The following NRG1 variants were observed in gnomAD, a reference collection of about 807,000 sequenced individuals.
NRG1 encodes the protein neuregulin 1.
In NRG1, 18 loss-of-function variants were observed where a neutral mutation model predicts 63.8. The observed-to-expected ratio is 0.28, with a 90% CI of 0.19 to 0.42. The LOEUF is 0.42. Among genes scored for constraint, NRG1 ranks in the 10% least tolerant of loss-of-function variants. The pLI is 1.00. For missense variants in NRG1, 762 were observed against 814.7 expected (o/e 0.94, Z 0.79); for synonymous variants, 302 against 301.3 (o/e 1.00, Z -0.02).
chr8:32,003,196 T>C (rs1395889675), intron 1 of NRG1, among the ~76,000 whole-genome samples: 1 of 152,066 alleles, frequency 6.6e-6, no homozygotes, highest in Non-Finnish European at 1.5e-5. Flanking sequence ...CATTCCATCC[T>C]GTGATAAATA....
chr8:32,543,093 C>T (rs985837604), intron 1 of NRG1, among the ~76,000 whole-genome samples: 1 of 152,070 alleles, frequency 6.6e-6, no homozygotes, highest in Non-Finnish European at 1.5e-5. Context: ...TTAGTGCTTA[C>T]CAGATGCAAA....
chr8:32,177,014 A>G (rs1563874972), intron 1 of NRG1, among the ~76,000 whole-genome samples: 1 of 152,184 alleles, frequency 6.6e-6, no homozygotes, highest in Non-Finnish European at 1.5e-5. Context: ...TGCTGCTATA[A>G]AGACACATGC....
chr8:32,548,701 G>C lies in NRG1; in HGVS notation c.-26G>C, dbSNP rs552852456. 15 of 1,561,080 alleles carry C rather than the reference G, an allele frequency of 9.6e-6. No individual in the cohort carries two copies. The East Asian group carries it at 3.5e-4, about 36-fold the overall frequency. On this transcript the variant is annotated 5_prime_UTR_variant, in exon 1 of 12. Transcript: ENST00000356819. ...AACTCGCCTGCGCCGAGAGCCGTCC[G>C]CGTAGAGCGCTCCGTCTCCGGCGAG...
chr8:32,753,633 G>A lies in NRG1; in HGVS notation c.692-739G>A, dbSNP rs910083519. On this transcript the variant is annotated intron_variant, in intron 7 of 11. Coordinates refer to ENST00000356819, the Ensembl canonical transcript of NRG1. Reference sequence around the variant, plus strand: ...TTCCAAAGGACAAGTCACCATTTGGGCCCATAACTGTCCTACCCATCACAT... The same window carrying A: ...TTCCAAAGGACAAGTCACCATTTGGACCCATAACTGTCCTACCCATCACAT... 2.6e-5 allele frequency among the ~76,000 whole-genome samples: 4 copies of A among 152,026 alleles called. No homozygotes were observed. In the East Asian group the frequency reaches 5.8e-4, roughly 22 times the overall value.
At position 32,120,068 on chromosome 8, in the gene NRG1, G is replaced by C. The variant is rs73673503; in HGVS notation, c.38-475760G>C. Among the ~76,000 whole-genome samples, 1,194 of 151,990 alleles carry C rather than the reference G, an allele frequency of 7.9e-3. 17 individuals carry two copies. Among genetic ancestry groups the C allele is most frequent in the African/African-American group, 0.026 (1,078 of 41,462 alleles). On this transcript the variant is annotated intron_variant, in intron 1 of 10. Coordinates refer to the NRG1 transcript ENST00000519301. ...AGCTTTAAAATAATCTTCAATCATAGTGTTGTTCTAAGAAGTAAATTAGTT... is the reference window on the plus strand; with the variant it reads ...AGCTTTAAAATAATCTTCAATCATACTGTTGTTCTAAGAAGTAAATTAGTT...
intron 1 of NRG1, among the ~76,000 whole-genome samples, chr8:31,808,458 GTGTT>G (rs1453602282): frequency 1.3e-5 from 2 of 151,978 alleles, no homozygotes; most frequent in Non-Finnish European, 2.9e-5. Context: ...ATATTTGTGT[GTGTT>G]TGTTATCTCT....
At chr8:32,558,649 C>G (rs533760047) in intron 1 of NRG1, among the ~76,000 whole-genome samples, 1 of 152,230 alleles carries the variant, frequency 6.6e-6, no homozygotes, top group South Asian at 2.1e-4. Flanking sequence ...TGAGGCTCTT[C>G]TTGTCATTTT....
chr8:31,684,616 T>A (rs1005907989), intron 1 of NRG1, among the ~76,000 whole-genome samples: 3 of 152,172 alleles, frequency 2.0e-5, no homozygotes, highest in African/African-American at 7.2e-5. Flanking sequence ...TGCATAGACT[T>A]TTGAGAACCA....
intron 5 of NRG1, chr8:32,647,496 C>G: frequency 1.0e-6 from 1 of 985,418 alleles, no homozygotes; most frequent in Non-Finnish European, 1.2e-6. Flanking sequence ...GGCCCAGAAA[C>G]AGCAGCTTAA....
chr8:31,715,200 A>G (rs1812232207), intron 1 of NRG1, among the ~76,000 whole-genome samples: 1 of 152,196 alleles, frequency 6.6e-6, no homozygotes, highest in Non-Finnish European at 1.5e-5. Flanking sequence ...ATTGAATAGA[A>G]TGCAATTAGA....
intron 1 of NRG1, among the ~76,000 whole-genome samples, chr8:31,863,662 CT>C (rs1828681993): frequency 6.6e-6 from 1 of 152,188 alleles, no homozygotes; most frequent in Non-Finnish European, 1.5e-5. Context: ...AATAAATTTT[CT>C]TTTACCATCT....
At chr8:32,125,243 G>A (rs1035092100) in intron 1 of NRG1, among the ~76,000 whole-genome samples, 1 of 151,880 alleles carries the variant, frequency 6.6e-6, no homozygotes, top group African/African-American at 2.4e-5. Context: ...CCAGTCTATG[G>A]TATTGTGTTA....
At chr8:31,931,918 C>G (rs183262283) in intron 1 of NRG1, among the ~76,000 whole-genome samples, 214 of 152,230 alleles carry the variant, frequency 1.4e-3, no homozygotes, top group African/African-American at 5.0e-3. Context: ...GAGCACTGCT[C>G]TAAAACAAAG....
At chr8:31,693,090 C>T (rs1563299171) in intron 1 of NRG1, among the ~76,000 whole-genome samples, 1 of 152,128 alleles carries the variant, frequency 6.6e-6, no homozygotes. Context: ...CTATAGTGAC[C>T]ACCCTTGCTG....
intron 1 of NRG1, among the ~76,000 whole-genome samples, chr8:31,803,590 AAAT>A (rs1244640620): frequency 6.6e-6 from 1 of 152,196 alleles, no homozygotes; most frequent in African/African-American, 2.4e-5. Context: ...CCTTGAATGT[AAAT>A]AATCTTAGAG....
At chr8:32,589,238 C>G (rs1382676338) in intron 1 of NRG1, among the ~76,000 whole-genome samples, 4 of 152,136 alleles carry the variant, frequency 2.6e-5, no homozygotes, top group Non-Finnish European at 5.9e-5. Context: ...CACTCTGTTG[C>G]AGGACTGTAA....
intron 1 of NRG1, among the ~76,000 whole-genome samples, chr8:32,047,233 G>T (rs1226170809): frequency 6.6e-6 from 1 of 151,970 alleles, no homozygotes; most frequent in African/African-American, 2.4e-5. Flanking sequence ...ATTCACCCAA[G>T]GCACATTTGG....
At chr8:32,250,648 TTATTA>T in intron 1 of NRG1, among the ~76,000 whole-genome samples, 1 of 152,274 alleles carries the variant, frequency 6.6e-6, no homozygotes, top group East Asian at 1.9e-4. Flanking sequence ...TTTAAAACTG[TTATTA>T]TAAAATGAAT....
intron 1 of NRG1, among the ~76,000 whole-genome samples, chr8:31,754,938 A>C (rs1441211726): frequency 1.3e-5 from 2 of 152,168 alleles, no homozygotes; most frequent in East Asian, 3.9e-4. Context: ...TTATCTACCT[A>C]TTCAGGTAGA....
Sources: allele counts gnomAD v4.1 joint callset (sites outside exome capture counted in the v4.1 genomes callset), GRCh38; gene constraint gnomAD v4.1.1; transcripts MANE v1.5; gene names NCBI Gene and HGNC (gene_info 2026-07-23, HGNC 2026-07-21).